The following TNPO1 variants were observed in gnomAD, a reference collection of about 807,000 sequenced individuals.
TNPO1 encodes the protein transportin 1.
In TNPO1, 8 loss-of-function variants were observed where a neutral mutation model predicts 119.5. That is an observed-to-expected ratio of 0.07 (90% CI 0.04 to 0.12). TNPO1 has a LOEUF of 0.12. Ranked by LOEUF, TNPO1 falls within the 10% of genes least tolerant of loss-of-function variation. The pLI is 1.00. For missense variants in TNPO1, 576 were observed against 1,089.8 expected (o/e 0.53, Z 6.64); for synonymous variants, 362 against 363.0 (o/e 1.00, Z 0.03).
chr5:72,899,693 G>A (rs534998713), intron 20 of TNPO1, among the ~76,000 whole-genome samples: 1 of 152,216 alleles, frequency 6.6e-6, no homozygotes, highest in South Asian at 2.1e-4. Flanking sequence ...TTAACAGAAT[G>A]ATACCTTGAC....
intron 5 of TNPO1, among the ~76,000 whole-genome samples, chr5:72,863,761 T>C (rs976832744): frequency 6.7e-6 from 1 of 149,910 alleles, no homozygotes; most frequent in Non-Finnish European, 1.5e-5. Context: ...AAAAAAGGCT[T>C]TGGAAATACA....
At chr5:72,900,506 G>GT (rs1749729302) in intron 21 of TNPO1, among the ~76,000 whole-genome samples, 1 of 151,524 alleles carries the variant, frequency 6.6e-6, no homozygotes, top group Non-Finnish European at 1.5e-5. Context: ...TTATTTGCTT[G>GT]TTAATGTAAA....
chr5:72,854,764 T>C (rs1209813345), intron 3 of TNPO1, among the ~76,000 whole-genome samples: 2 of 152,356 alleles, frequency 1.3e-5, no homozygotes, highest in South Asian at 4.1e-4. Context: ...TAGTATTAAG[T>C]AGCTTTTTGA....
intron 1 of TNPO1, among the ~76,000 whole-genome samples, chr5:72,836,704 T>C (rs266425): frequency 0.82 from 124,690 of 152,154 alleles, 51,381 homozygotes; most frequent in Non-Finnish European, 0.86. Flanking sequence ...TAGTTACAAA[T>C]TCCATCTTTA....
In TNPO1 at chr5:72,903,745, A is replaced by G; in HGVS notation, c.2551A>G (p.Ile851Val). The G allele has an allele frequency of 1.2e-6, 2 of 1,608,814 alleles. No homozygotes were observed. Among genetic ancestry groups the G allele is most frequent in the Non-Finnish European group, 8.5e-7 (1 of 1,177,570 alleles). ...TTTTTGTGATGCCGTTGCATCATGG[A>G]TTAACCCAAAAGATGATCTCAGAGA... ...IFFCDAVASWINPKDDLRDMF... is the reference protein window; with the variant it reads ...IFFCDAVASWVNPKDDLRDMF... Residue 851 changes from isoleucine to valine, a missense_variant, in exon 23 of 25, where the codon ATT becomes GTT. Ile to Val is a conservative substitution (Grantham distance 29). Coordinates refer to ENST00000337273, the MANE Select transcript of TNPO1 (RefSeq NM_002270.4).
chr5:72,848,123 C>T (rs1580385278), intron 1 of TNPO1: 2 of 1,158,650 alleles, frequency 1.7e-6, no homozygotes, highest in East Asian at 4.8e-5. Flanking sequence ...TTCGCGGTGA[C>T]TCAGTCTGGT....
At chr5:72,862,992 T>TTGTGTGTGTGTGTGTG (rs71614493) in intron 5 of TNPO1, among the ~76,000 whole-genome samples, 48 of 144,866 alleles carry the variant, frequency 3.3e-4, no homozygotes, top group Middle Eastern at 3.5e-3. Flanking sequence ...CTGTGGGTTT[T>TTGTGTGTGTGTGTGTG]TGTGTGTGTG....
chr5:72,895,398 T>C (rs988524526), intron 18 of TNPO1, among the ~76,000 whole-genome samples: 19 of 151,790 alleles, frequency 1.3e-4, no homozygotes, highest in Non-Finnish European at 2.6e-4. Context: ...TTGTCTCAAT[T>C]AGTGGTTCTC....
Position 72,877,444 on chromosome 5 carries a change from G to GA in TNPO1, c.920+99dup, listed in dbSNP as rs1474182437. On this transcript the variant is annotated intron_variant, in intron 9 of 24. Transcript: ENST00000337273. The stretch of plus-strand genomic sequence containing the variant: ...TAAAATTCATTCTTTTGCCATCAGG[G>GA]AGTGAGATTCTAAAGAAGCCAGACT... 3 of 646,768 alleles carry GA rather than the reference G, an allele frequency of 4.6e-6. No individual in the cohort carries two copies. In the African/African-American group the frequency reaches 5.5e-5, roughly 12 times the overall value. The allele number at this position is 646,768 out of a possible 1,614,324, so 40.1% of individuals were successfully genotyped here. A position where few individuals can be genotyped will look rare whatever the true frequency, so the allele number is the denominator to read the frequency against.
At chr5:72,820,852 T>G (rs1186324336) in intron 1 of TNPO1, among the ~76,000 whole-genome samples, 5 of 152,176 alleles carry the variant, frequency 3.3e-5, no homozygotes, top group African/African-American at 4.8e-5. Flanking sequence ...TTCCACATTT[T>G]AGAAAAAGAA....
intron 15 of TNPO1, among the ~76,000 whole-genome samples, chr5:72,892,497 A>C (rs1280481943): frequency 3.4e-4 from 52 of 152,114 alleles, no homozygotes; most frequent in Non-Finnish European, 6.5e-4. Flanking sequence ...ACCAAGAGCA[A>C]TTCTGGGCCC....
intron 1 of TNPO1, among the ~76,000 whole-genome samples, chr5:72,821,063 G>C (rs910858171): frequency 6.6e-6 from 1 of 152,060 alleles, no homozygotes; most frequent in Non-Finnish European, 1.5e-5. Context: ...TGAAATATAC[G>C]TTTAGTAAAA....
intron 4 of TNPO1, among the ~76,000 whole-genome samples, chr5:72,859,498 C>T (rs1746265472): frequency 6.6e-6 from 1 of 152,126 alleles, no homozygotes; most frequent in Non-Finnish European, 1.5e-5. Flanking sequence ...TAAAAGATTA[C>T]TGATTATAAA....
chr5:72,862,774 T>TA (rs1746557723), intron 5 of TNPO1, among the ~76,000 whole-genome samples: 1 of 152,002 alleles, frequency 6.6e-6, no homozygotes, highest in Admixed American at 6.5e-5. Flanking sequence ...GCCTCCCGAG[T>TA]AGCTGCGATT....
chr5:72,900,871 A>G (rs931100586), intron 21 of TNPO1, 103 bp from the exon 22 acceptor site: 10 of 627,248 alleles, frequency 1.6e-5, no homozygotes, highest in African/African-American at 7.7e-5. Flanking sequence ...TAATATAATC[A>G]TTATCTATAC....
chr5:72,847,046 T>G (rs186020683), intron 1 of TNPO1, among the ~76,000 whole-genome samples: 29 of 151,510 alleles, frequency 1.9e-4, no homozygotes, highest in African/African-American at 5.8e-4. Context: ...TTGTTTTGAG[T>G]TTTTTTTTGT....
intron 6 of TNPO1, among the ~76,000 whole-genome samples, chr5:72,866,612 G>T (rs1746925322): frequency 1.3e-5 from 2 of 151,926 alleles, no homozygotes; most frequent in South Asian, 4.2e-4. Context: ...AAATTAGCTG[G>T]GCATGGTGTC....
intron 6 of TNPO1, among the ~76,000 whole-genome samples, chr5:72,868,198 C>T (rs1451489050): frequency 1.3e-5 from 2 of 151,490 alleles, no homozygotes; most frequent in East Asian, 1.9e-4. Flanking sequence ...TTTGGGAGGC[C>T]GAGGCAGGCG....
intron 1 of TNPO1, among the ~76,000 whole-genome samples, chr5:72,826,250 A>G (rs774126500): frequency 1.2e-4 from 19 of 152,026 alleles, no homozygotes; most frequent in Non-Finnish European, 1.8e-4. Context: ...AGCACATACA[A>G]CCTTCTAACA....
Sources: gnomAD v4.1 joint callset for allele counts (sites outside exome capture counted in the v4.1 genomes callset) on GRCh38, gnomAD v4.1.1 for gene constraint, MANE v1.5 for transcripts, NCBI Gene and HGNC (gene_info 2026-07-23, HGNC 2026-07-21) for gene names.